The following PHF21B variants were observed in gnomAD, a reference collection of about 807,000 sequenced individuals.
The protein encoded by PHF21B is PHD finger protein 21B.
PHF21B carries 22 observed loss-of-function variants against 62.2 expected under a neutral mutation model. That is an observed-to-expected ratio of 0.35 (90% CI 0.25 to 0.51). The LOEUF (loss-of-function observed/expected upper bound fraction) is 0.51. Ranked by LOEUF, PHF21B falls within the 20% of genes least tolerant of loss-of-function variation. The pLI, the probability that PHF21B is intolerant of heterozygous loss-of-function variation, is 0.97. For synonymous variants in PHF21B, 341 were observed against 314.7 expected (o/e 1.08, Z -0.88); for missense variants, 701 against 707.9 (o/e 0.99, Z 0.11).
intron 2 of PHF21B, among the ~76,000 whole-genome samples, chr22:44,928,419 CT>C (rs917983908): frequency 2.6e-5 from 4 of 151,946 alleles, no homozygotes; most frequent in East Asian, 3.9e-4. Flanking sequence ...ATGAAAGGAA[CT>C]TTTTTTTGAG....
chr22:44,917,090 G>A (rs1046146995), intron 3 of PHF21B, among the ~76,000 whole-genome samples: 1 of 152,222 alleles, frequency 6.6e-6, no homozygotes, highest in Non-Finnish European at 1.5e-5. Context: ...CAGTCTGGGT[G>A]GGGGCTGCTG....
chr22:44,898,363 G>A lies in PHF21B; in HGVS notation c.832-2280C>T, dbSNP rs140475581. ...CTTCTCATCACATCGCAGCAAGGGCGTAGACCACCCACCTGACTCATAGCT... is the reference window on the plus strand; with the variant it reads ...CTTCTCATCACATCGCAGCAAGGGCATAGACCACCCACCTGACTCATAGCT... On this transcript the variant is annotated intron_variant, in intron 5 of 12. Transcript: ENST00000313237. Among the ~76,000 whole-genome samples, 68 of 152,254 alleles carry A rather than the reference G, an allele frequency of 4.5e-4. 1 individual carries two copies. Among genetic ancestry groups the A allele is most frequent in the East Asian group, 2.1e-3 (11 of 5,172 alleles).
intron 5 of PHF21B, among the ~76,000 whole-genome samples, chr22:44,910,873 G>A (rs2071332674): frequency 6.6e-6 from 1 of 152,198 alleles, no homozygotes; most frequent in African/African-American, 2.4e-5. Context: ...CAGTTTGGAG[G>A]GCTCAGAAGA....
intron 2 of PHF21B, among the ~76,000 whole-genome samples, chr22:44,974,416 A>C (rs1408014106): frequency 6.6e-6 from 1 of 151,984 alleles, no homozygotes; most frequent in African/African-American, 2.4e-5. Flanking sequence ...TCTTAAAAAA[A>C]AAAAAAAAAA....
chr22:44,916,270 G>A lies in PHF21B; in HGVS notation c.564+10C>T, dbSNP rs1302925796. 8 of 1,606,450 alleles carry A rather than the reference G, an allele frequency of 5.0e-6. No homozygotes were observed. The East Asian group carries it at 1.6e-4, about 31-fold the overall frequency. ...CACACCCTTTCCGGAGCCTGCTGGT[G>A]GGCACTCACCTTGTTGTCAGCACTG... On this transcript the variant is annotated intron_variant, in intron 4 of 12. Transcript: ENST00000313237.
intron 5 of PHF21B, among the ~76,000 whole-genome samples, chr22:44,896,879 T>TG (rs1179370638): frequency 9.1e-6 from 1 of 110,254 alleles, no homozygotes; most frequent in Non-Finnish European, 1.9e-5. Flanking sequence ...TAGTTTTATC[T>TG]GTTTTTTTTT....
At position 44,988,002 on chromosome 22, in the gene PHF21B, A is replaced by G. The variant is rs542044336; in HGVS notation, c.120+20543T>C. Among the ~76,000 whole-genome samples the G allele has an allele frequency of 9.3e-4, 142 of 152,334 alleles. 2 individuals are homozygous for G. In the Middle Eastern group the frequency reaches 0.01, roughly 11 times the overall value. On this transcript the variant is annotated intron_variant, in intron 2 of 12. Transcript: ENST00000313237. ...GAGATAGTGAGCTCCCCGTCACACA[A>G]AGAACTCAACCAGTAAGAATGACTA...
At chr22:45,008,402 G>A (rs935513995) in intron 2 of PHF21B, 143 bp downstream of exon 2, 58 of 689,650 alleles carry the variant, frequency 8.4e-5, no homozygotes, top group Non-Finnish European at 1.2e-4. Context: ...AAAGGGGAGG[G>A]GTGGGGAACT....
Position 44,916,467 on chromosome 22 carries a change from G to A in PHF21B, c.377C>T (p.Pro126Leu), listed in dbSNP as rs1332063082. 1 of 1,604,762 alleles carries A rather than the reference G, an allele frequency of 6.2e-7. No individual in the cohort carries two copies. Among genetic ancestry groups the A allele is most frequent in the South Asian group, 1.1e-5 (1 of 90,906 alleles). ...GGCGAGGGCCTGGGGCTGGCTGCCG[G>A]GCGCTGGCACATGGCTGACAGTGTT... ...ANNTVSHVPA[P>L]GSQPQALAEP... is the part of the protein sequence containing the mutation. The change falls in exon 4 of 13, where the codon CCC (proline) becomes CTC (leucine). Residue 126 changes from proline (P) to leucine (L), a missense_variant. Transcript: ENST00000313237.
chr22:44,939,804 A>G (rs551394541), intron 2 of PHF21B, among the ~76,000 whole-genome samples: 1 of 152,310 alleles, frequency 6.6e-6, no homozygotes, highest in African/African-American at 2.4e-5. Flanking sequence ...GGAGCCCAGC[A>G]GTCCAGGAGC....
chr22:44,916,764 G>T, intron 3 of PHF21B, 134 bp from the exon 4 acceptor site: 24 of 830,344 alleles, frequency 2.9e-5, no homozygotes, highest in Non-Finnish European at 4.6e-5. Context: ...GCCTGTCACG[G>T]CCTCACAGCA....
intron 2 of PHF21B, among the ~76,000 whole-genome samples, chr22:44,984,158 TCACCACCATCATCACCATCAC>T (rs2072898723): frequency 4.8e-3 from 4 of 830 alleles, no homozygotes; most frequent in African/African-American, 0.017. Context: ...ATCACCACCA[TCACCACCATCATCACCATCAC>T]AACCACCATC....
intron 2 of PHF21B, among the ~76,000 whole-genome samples, chr22:44,943,493 G>A (rs574028230): frequency 2.0e-5 from 3 of 152,254 alleles, no homozygotes; most frequent in Non-Finnish European, 2.9e-5. Flanking sequence ...TGCTGGGGGC[G>A]GCCCGATCTC....
In PHF21B at chr22:44,883,019, G is replaced by T. The variant is rs2070765204; in HGVS notation, c.*67C>A. On this transcript the variant is annotated 3_prime_UTR_variant, in exon 13 of 13. Transcript: ENST00000313237. ...TAGTGTTTATGAATTAAGGCCGACA[G>T]AACCCCCAGGCTGTGTAAGCAGGGT... The T allele has an allele frequency of 3.4e-6, 5 of 1,479,848 alleles. No individual in the cohort carries two copies. Among genetic ancestry groups the T allele is most frequent in the African/African-American group, 2.8e-5 (2 of 71,440 alleles). The allele number at this position is 1,479,848 out of a possible 1,614,324, so 91.7% of individuals were successfully genotyped here. A position where few individuals can be genotyped will look rare whatever the true frequency, so the allele number is the denominator to read the frequency against.
chr22:44,983,212 C>T (rs1269155648), intron 2 of PHF21B, among the ~76,000 whole-genome samples: 4 of 144,894 alleles, frequency 2.8e-5, no homozygotes, highest in Non-Finnish European at 4.5e-5. Flanking sequence ...CCAGCCTGGG[C>T]GACAGAGCGA....
chr22:44,912,857 T>C (rs2071366270), intron 5 of PHF21B, among the ~76,000 whole-genome samples: 1 of 98,586 alleles, frequency 1.0e-5, no homozygotes, highest in Non-Finnish European at 1.8e-5. Flanking sequence ...CCAGCATGGC[T>C]CAAAGAGTCA....
At chr22:44,932,451 G>A (rs1225997480) in intron 2 of PHF21B, among the ~76,000 whole-genome samples, 1 of 152,184 alleles carries the variant, frequency 6.6e-6, no homozygotes, top group Non-Finnish European at 1.5e-5. Context: ...CCAGGCACAC[G>A]TCTTCCAAAC....
intron 5 of PHF21B, among the ~76,000 whole-genome samples, chr22:44,897,494 T>C (rs908593863): frequency 1.3e-5 from 2 of 151,496 alleles, no homozygotes; most frequent in African/African-American, 4.9e-5. Context: ...CTGCCAGGAG[T>C]CCTGCAGCCA....
intron 2 of PHF21B, among the ~76,000 whole-genome samples, chr22:45,006,043 A>G (rs566009266): frequency 3.3e-5 from 5 of 152,228 alleles, no homozygotes; most frequent in African/African-American, 1.2e-4. Flanking sequence ...TCCCAAGGAG[A>G]GGGAGAGGGG....
Sources: gnomAD v4.1 joint callset for allele counts (sites outside exome capture counted in the v4.1 genomes callset) on GRCh38, gnomAD v4.1.1 for gene constraint, MANE v1.5 for transcripts, NCBI Gene and HGNC (gene_info 2026-07-23, HGNC 2026-07-21) for gene names.